The following SLC35F1 variants were observed in gnomAD, a reference collection of about 807,000 sequenced individuals.
SLC35F1 encodes solute carrier family 35 member F1.
Under a neutral mutation model 48.7 loss-of-function variants are expected in SLC35F1, and 14 were observed. The observed-to-expected ratio is 0.29, with a 90% CI of 0.19 to 0.45. SLC35F1 has a LOEUF of 0.45. Among genes scored for constraint, SLC35F1 ranks in the 20% least tolerant of loss-of-function variants. SLC35F1 has a pLI of 1.00. For missense variants in SLC35F1, 404 were observed against 500.0 expected (o/e 0.81, Z 1.83); for synonymous variants, 190 against 202.2 (o/e 0.94, Z 0.51).
Position 118,235,536 on chromosome 6 carries a change from G to T in SLC35F1, c.377G>T (p.Arg126Leu). ...QGEENLLAIL[R>L]RRWWKYMILG... is the part of the protein sequence containing the mutation. ...GAAGAAAACCTCCTGGCAATTTTAC[G>T]ACGAAGATGGTGGAAGTACATGATT... The change falls in exon 3 of 8, where the codon CGA becomes CTA. Residue 126 changes from arginine to leucine, a missense_variant. Physicochemically the swap from Arg to Leu is moderately radical, Grantham distance 102. Transcript: ENST00000360388. 2 of 1,613,014 alleles carry T rather than the reference G, an allele frequency of 1.2e-6. No individual in the cohort carries two copies. The highest frequency in any genetic ancestry group is 2.2e-5 in the South Asian group (2 of 90,944).
At chr6:118,020,368 C>G (rs1261964010) in intron 1 of SLC35F1, among the ~76,000 whole-genome samples, 1 of 152,196 alleles carries the variant, frequency 6.6e-6, no homozygotes, top group Non-Finnish European at 1.5e-5. Flanking sequence ...ACCGATCACA[C>G]TGTCGAGGCT....
chr6:118,227,667 A>C (rs7752142), intron 2 of SLC35F1, among the ~76,000 whole-genome samples: 1 of 127,264 alleles, frequency 7.9e-6, no homozygotes, highest in East Asian at 3.2e-4. Flanking sequence ...AAGGTCTTAC[A>C]TTGAGTAATT....
chr6:118,051,282 G>A (rs1286216355), intron 1 of SLC35F1, among the ~76,000 whole-genome samples: 3 of 152,168 alleles, frequency 2.0e-5, no homozygotes, highest in East Asian at 1.9e-4. Flanking sequence ...AGCTCAAAGT[G>A]TATTTCCTTT....
chr6:118,264,071 G>C (rs1775743361), intron 3 of SLC35F1, among the ~76,000 whole-genome samples: 1 of 152,102 alleles, frequency 6.6e-6, no homozygotes, highest in Non-Finnish European at 1.5e-5. Context: ...TAGGACTTAG[G>C]AAGCCTCAAC....
At chr6:118,218,360 T>G (rs1182556787) in intron 2 of SLC35F1, among the ~76,000 whole-genome samples, 1 of 152,150 alleles carries the variant, frequency 6.6e-6, no homozygotes, top group Non-Finnish European at 1.5e-5. Context: ...CCATACCCTT[T>G]GCAAAGCAGC....
intron 1 of SLC35F1, among the ~76,000 whole-genome samples, chr6:118,024,831 A>G (rs1777441997): frequency 6.6e-6 from 1 of 152,140 alleles, no homozygotes; most frequent in African/African-American, 2.4e-5. Flanking sequence ...ATGCCTAGGG[A>G]TGTCTTTATC....
At chr6:118,298,807 C>A (rs1376660725) in intron 7 of SLC35F1, among the ~76,000 whole-genome samples, 1 of 152,144 alleles carries the variant, frequency 6.6e-6, no homozygotes, top group Non-Finnish European at 1.5e-5. Flanking sequence ...TGGTTGCTAC[C>A]AAAAATTTGG....
chr6:118,163,994 G>C (rs1774279494), intron 2 of SLC35F1, among the ~76,000 whole-genome samples: 1 of 152,054 alleles, frequency 6.6e-6, no homozygotes, highest in African/African-American at 2.4e-5. Flanking sequence ...AGTTTTTTTT[G>C]TTTAAGACTT....
chr6:117,950,601 G>T (rs1222900463), intron 1 of SLC35F1, among the ~76,000 whole-genome samples: 9 of 152,132 alleles, frequency 5.9e-5, no homozygotes, highest in Non-Finnish European at 1.0e-4. Context: ...AGATGGATGT[G>T]AATGACAATG....
At chr6:118,027,631 CT>C (rs1771978350) in intron 1 of SLC35F1, among the ~76,000 whole-genome samples, 1 of 151,954 alleles carries the variant, frequency 6.6e-6, no homozygotes, top group South Asian at 2.1e-4. Flanking sequence ...CCCTGCCAAG[CT>C]TTTAAAAAAA....
chr6:118,095,359 T>C (rs1773137912), intron 1 of SLC35F1, among the ~76,000 whole-genome samples: 1 of 152,180 alleles, frequency 6.6e-6, no homozygotes, highest in African/African-American at 2.4e-5. Context: ...GCGTGTAACC[T>C]CAGGCACATC....
chr6:118,149,369 C>T (rs900983845), intron 1 of SLC35F1, among the ~76,000 whole-genome samples: 1 of 152,148 alleles, frequency 6.6e-6, no homozygotes, highest in Admixed American at 6.5e-5. Context: ...GCAGGGAGAA[C>T]ATTTTTGTAC....
At chr6:118,112,605 G>C (rs1773423917) in intron 1 of SLC35F1, among the ~76,000 whole-genome samples, 1 of 152,074 alleles carries the variant, frequency 6.6e-6, no homozygotes, top group African/African-American at 2.4e-5. Flanking sequence ...CCCCTCTCCT[G>C]TAACACTTGC....
At chr6:117,965,526 A>G (rs185911998) in intron 1 of SLC35F1, among the ~76,000 whole-genome samples, 177 of 152,252 alleles carry the variant, frequency 1.2e-3, no homozygotes, top group African/African-American at 4.1e-3. Flanking sequence ...TCTCCATTGT[A>G]TTAGGGAGGA....
chr6:118,225,402 C>G (rs191663170), intron 2 of SLC35F1, among the ~76,000 whole-genome samples: 4 of 152,122 alleles, frequency 2.6e-5, no homozygotes, highest in Non-Finnish European at 4.4e-5. Context: ...AGGGAAGTCT[C>G]TTCAATAAAT....
intron 2 of SLC35F1, among the ~76,000 whole-genome samples, chr6:118,201,994 G>A (rs1774878929): frequency 1.3e-5 from 2 of 152,066 alleles, no homozygotes; most frequent in Non-Finnish European, 2.9e-5. Context: ...ATATCCTATT[G>A]CATTTATCTT....
intron 1 of SLC35F1, among the ~76,000 whole-genome samples, chr6:117,916,344 A>G (rs1775825823): frequency 6.6e-6 from 1 of 152,136 alleles, no homozygotes; most frequent in Admixed American, 6.5e-5. Flanking sequence ...TGAATTGTTA[A>G]AAAACGGGTA....
At chr6:117,989,893 TG>T (rs1456078557) in intron 1 of SLC35F1, among the ~76,000 whole-genome samples, 1 of 152,196 alleles carries the variant, frequency 6.6e-6, no homozygotes. Context: ...CAAGTTCATG[TG>T]GTCTGACAAG....
At chr6:118,089,149 A>G (rs1175394642) in intron 1 of SLC35F1, among the ~76,000 whole-genome samples, 1 of 152,178 alleles carries the variant, frequency 6.6e-6, no homozygotes, top group Admixed American at 6.6e-5. Flanking sequence ...TGGGAAAGAG[A>G]GAGGACCCTA....
Sources: gnomAD v4.1 joint callset for allele counts (sites outside exome capture counted in the v4.1 genomes callset) on GRCh38, gnomAD v4.1.1 for gene constraint, MANE v1.5 for transcripts, NCBI Gene and HGNC (gene_info 2026-07-23, HGNC 2026-07-21) for gene names.